The following PDE6D variants were observed in gnomAD, a reference collection of about 807,000 sequenced individuals.
PDE6D encodes the protein phosphodiesterase 6D, also known as retinal rod rhodopsin-sensitive cGMP 3',5'-cyclic phosphodiesterase subunit delta.
PDE6D carries 10 observed loss-of-function variants against 21.9 expected under a neutral mutation model. The observed-to-expected ratio is 0.46, with a 90% CI of 0.28 to 0.78. The LOEUF is 0.78. Among genes scored for constraint, PDE6D ranks in the 30% least tolerant of loss-of-function variants. The probability of loss-of-function intolerance (pLI) is 0.12; values close to 1 mark genes in which losing one functional copy is unlikely to be tolerated. For missense variants in PDE6D, 139 were observed against 184.8 expected (o/e 0.75, Z 1.44); for synonymous variants, 59 against 63.5 (o/e 0.93, Z 0.34).
chr2:231,740,929 G>A (rs971274082), intron 1 of PDE6D, among the ~76,000 whole-genome samples: 4 of 150,804 alleles, frequency 2.7e-5, no homozygotes, highest in South Asian at 2.1e-4. Context: ...ACCTGAAGTC[G>A]GGAGTTCGAG....
chr2:231,747,380 C>T (rs1037545316), intron 1 of PDE6D, among the ~76,000 whole-genome samples: 2 of 152,248 alleles, frequency 1.3e-5, no homozygotes, highest in Non-Finnish European at 2.9e-5. Context: ...CGTGAGCCAC[C>T]ACACCCGACC....
At chr2:231,774,074 C>T (rs754445476) in intron 1 of PDE6D, among the ~76,000 whole-genome samples, 1 of 152,054 alleles carries the variant, frequency 6.6e-6, no homozygotes, top group Non-Finnish European at 1.5e-5. Context: ...GCTGGGATTA[C>T]AGGTGCACAC....
Position 231,739,239 on chromosome 2 carries a change from T to C in PDE6D, c.51-51A>G. 1 of 1,133,360 alleles carries C rather than the reference T, an allele frequency of 8.8e-7. No individual in the cohort carries two copies. The highest frequency in any genetic ancestry group is 1.3e-6 in the Non-Finnish European group (1 of 741,738). 70.2% of individuals were successfully genotyped at this position (1,133,360 alleles called of 1,614,324 possible). On this transcript the variant is annotated intron_variant, in intron 1 of 4. Coordinates refer to ENST00000287600, the MANE Select transcript of PDE6D (RefSeq NM_002601.4). The surrounding 1 kb of genome is among the most constrained non-coding windows in gnomAD (Gnocchi z 4.2). ...TAAGGCACTGAAAGTGACTCCCACTTTGTATTCTAGGTGTCTCATGTTTAC... is the reference window on the plus strand; with the variant it reads ...TAAGGCACTGAAAGTGACTCCCACTCTGTATTCTAGGTGTCTCATGTTTAC...
At chr2:231,752,694 T>C (rs1574625039) in intron 1 of PDE6D, among the ~76,000 whole-genome samples, 1 of 151,998 alleles carries the variant, frequency 6.6e-6, no homozygotes, top group Non-Finnish European at 1.5e-5. Flanking sequence ...GTGCTGCTCA[T>C]ATATTAATCT....
Position 231,739,073 on chromosome 2 carries a change from C to T in PDE6D, c.139+27G>A, listed in dbSNP as rs780816483. The T allele has an allele frequency of 1.2e-5, 17 of 1,468,448 alleles. No homozygotes were observed. The highest frequency in any genetic ancestry group is 1.4e-5 in the Non-Finnish European group (15 of 1,047,498). 91.0% of individuals were successfully genotyped at this position (1,468,448 alleles called of 1,614,324 possible). On this transcript the variant is annotated intron_variant, in intron 2 of 4. Transcript: ENST00000287600. This position sits in a 1 kb window ranked among gnomAD's most constrained non-coding sequence, Gnocchi z 4.2. ...TGCTAGTCTGGCATTGGTCACAGCC[C>T]TGTGTAGATAAAGGGTTGGAAAGTA...
chr2:231,768,628 T>G (rs1246544183), intron 1 of PDE6D: 1 of 151,942 alleles, frequency 6.6e-6, no homozygotes, highest in Non-Finnish European at 1.5e-5. Context: ...AACTCCTGAC[T>G]TCAAGTGATC....
chr2:231,734,071 A>C lies in PDE6D; in HGVS notation c.372-1038T>G, dbSNP rs182665727. On this transcript the variant is annotated intron_variant, in intron 4 of 4. Coordinates refer to ENST00000287600, the MANE Select transcript of PDE6D (RefSeq NM_002601.4). Reference sequence around the variant, plus strand: ...TACTAAAAATACAAAAAAATTAGCCAGGCGTGGTGGCGGGCGCCTATAGTC... The same window carrying C: ...TACTAAAAATACAAAAAAATTAGCCCGGCGTGGTGGCGGGCGCCTATAGTC... Among the ~76,000 whole-genome samples, 1,377 of 151,972 alleles carry C rather than the reference A, an allele frequency of 9.1e-3. 37 individuals are homozygous for C. Among genetic ancestry groups the C allele is most frequent in the East Asian group, 0.087 (448 of 5,132 alleles).
At chr2:231,740,921 C>G (rs1020181751) in intron 1 of PDE6D, among the ~76,000 whole-genome samples, 18 of 151,180 alleles carry the variant, frequency 1.2e-4, no homozygotes, top group Admixed American at 1.1e-3. Context: ...GGCGGATCAC[C>G]TGAAGTCGGG....
chr2:231,752,258 G>T (rs1485496741), intron 1 of PDE6D, among the ~76,000 whole-genome samples: 1 of 152,192 alleles, frequency 6.6e-6, no homozygotes, highest in Non-Finnish European at 1.5e-5. Flanking sequence ...AATACAGTTG[G>T]TTTAGAGCAG....
At position 231,781,230 on chromosome 2, in the gene PDE6D, G is replaced by A. The variant is rs146484440; in HGVS notation, c.-116C>T. 6,981 of 946,660 alleles carry A rather than the reference G, an allele frequency of 7.4e-3. 155 individuals carry two copies. Among genetic ancestry groups the A allele is most frequent in the South Asian group, 0.049 (3,412 of 69,944 alleles). The allele number at this position is 946,660 out of a possible 1,614,324, so 58.6% of individuals were successfully genotyped here. On this transcript the variant is annotated 5_prime_UTR_variant, in exon 1 of 5. Transcript: ENST00000287600. The stretch of plus-strand genomic sequence containing the variant: ...GCTTGGAGACCTCGGGCTAGCAGCC[G>A]CAGCGGCCAGACCAGGACCGGCCTC...
intron 1 of PDE6D, among the ~76,000 whole-genome samples, chr2:231,750,786 G>A (rs1474886525): frequency 6.6e-6 from 1 of 150,802 alleles, no homozygotes; most frequent in Admixed American, 6.6e-5. Flanking sequence ...GGAATTACAG[G>A]AGTGAGCCAC....
intron 3 of PDE6D, 132 bp downstream of exon 3, chr2:231,737,881 G>A: frequency 1.1e-6 from 1 of 872,728 alleles, no homozygotes; most frequent in South Asian, 1.8e-5. Context: ...GTCTTGCAGA[G>A]TGTAGGAATC....
chr2:231,765,416 T>C (rs2048962110), intron 1 of PDE6D, among the ~76,000 whole-genome samples: 1 of 152,170 alleles, frequency 6.6e-6, no homozygotes, highest in East Asian at 1.9e-4. Context: ...TCAGCTGAAT[T>C]GCAAGTAACA....
At chr2:231,773,270 A>C (rs1457349586) in intron 1 of PDE6D, among the ~76,000 whole-genome samples, 1 of 152,172 alleles carries the variant, frequency 6.6e-6, no homozygotes, top group Non-Finnish European at 1.5e-5. Flanking sequence ...ATAGGACATT[A>C]TATTCATTTA....
At chr2:231,750,859 T>G (rs1421196999) in intron 1 of PDE6D, among the ~76,000 whole-genome samples, 6 of 152,044 alleles carry the variant, frequency 3.9e-5, no homozygotes, top group Admixed American at 1.3e-4. Flanking sequence ...CAGAATGCAT[T>G]ATATTCAGGG....
intron 2 of PDE6D, 115 bp from the exon 3 acceptor site, chr2:231,738,253 G>A (rs1259640950): frequency 3.1e-6 from 3 of 966,904 alleles, no homozygotes; most frequent in Non-Finnish European, 3.1e-6. Context: ...TCTTACAGCT[G>A]ATTTAGAGAA....
chr2:231,732,599 T>C lies in PDE6D; in HGVS notation c.*353A>G. ...TTTTTCCAAAACCAGGGGCCAAAGG[T>C]AGATGTGTAGCCTGTAGGGCCCAAG... On this transcript the variant is annotated 3_prime_UTR_variant, in exon 5 of 5. Coordinates refer to ENST00000287600, the MANE Select transcript of PDE6D (RefSeq NM_002601.4). The C allele has an allele frequency of 5.8e-6, 1 of 173,864 alleles. No homozygotes were observed. Among genetic ancestry groups the C allele is most frequent in the Non-Finnish European group, 1.2e-5 (1 of 83,106 alleles). 10.8% of individuals were successfully genotyped at this position (173,864 alleles called of 1,614,324 possible).
chr2:231,774,487 G>C (rs1489127815), intron 1 of PDE6D, among the ~76,000 whole-genome samples: 1 of 152,130 alleles, frequency 6.6e-6, no homozygotes, highest in African/African-American at 2.4e-5. Flanking sequence ...GCAGTAATGT[G>C]TAAACATTTG....
intron 1 of PDE6D, among the ~76,000 whole-genome samples, chr2:231,762,690 A>G (rs939659794): frequency 6.6e-6 from 1 of 152,104 alleles, no homozygotes; most frequent in Non-Finnish European, 1.5e-5. Flanking sequence ...GCTGTAAGCA[A>G]CGCAAAATTA....
Sources: allele counts gnomAD v4.1 joint callset (sites outside exome capture counted in the v4.1 genomes callset), GRCh38; gene constraint gnomAD v4.1.1; non-coding constraint Gnocchi (gnomAD v3.1); transcripts MANE v1.5; gene names NCBI Gene and HGNC (gene_info 2026-07-23, HGNC 2026-07-21).